Variants in CDH17 observed in about 807,000 individuals in gnomAD.
The protein encoded by CDH17 is cadherin-17.
A neutral mutation model predicts 86.3 loss-of-function variants in CDH17; 67 were observed. The ratio of observed to expected loss-of-function variants is 0.78; its 90% confidence interval spans 0.64 to 0.95. CDH17 has a LOEUF of 0.95. Among genes scored for constraint, CDH17 ranks in the 40% least tolerant of loss-of-function variants. The pLI is 0.00. For synonymous variants in CDH17, 367 were observed against 366.4 expected (o/e 1.00, Z -0.02); for missense variants, 993 against 1,017.6 (o/e 0.98, Z 0.33).
Position 94,162,140 on chromosome 8 carries a change from C to T in CDH17, c.1305G>A (p.Val435=), listed in dbSNP as rs1454238174. The change falls in exon 11 of 18, where the codon GTG becomes GTA. Residue 435 remains valine, a synonymous_variant. Transcript: ENST00000027335. ...SDKDFKTLCF[V]QINVIDINDQ... is the part of the protein sequence containing the mutation. Reference sequence around the variant, plus strand: ...CATTGATATCAATAACGTTGATTTGCACAAAACAAAGGGTCTTGAAATCTG... The same window carrying T: ...CATTGATATCAATAACGTTGATTTGTACAAAACAAAGGGTCTTGAAATCTG... The T allele has an allele frequency of 1.2e-6, 2 of 1,608,170 alleles. No individual in the cohort carries two copies. Among genetic ancestry groups the T allele is most frequent in the African/African-American group, 2.7e-5 (2 of 74,798 alleles).
Position 94,170,522 on chromosome 8 carries a change from T to C in CDH17, c.941A>G (p.Asp314Gly), listed in dbSNP as rs1334455313. 1 of 1,613,704 alleles carries C rather than the reference T, an allele frequency of 6.2e-7. No homozygotes were observed. The highest frequency in any genetic ancestry group is 1.7e-5 in the Admixed American group (1 of 59,992). ...ATATGAAAGTGGTTTTCCGTACTCA[T>C]CCTTTGCAACTGCATAAAAAACATA... ...DAYVFYAVAK[D>G]EYGKPLSYPL... Residue 314 changes from aspartate to glycine, a missense_variant, in exon 9 of 18, where the codon GAT becomes GGT. Physicochemically the swap from Asp to Gly is moderately conservative, Grantham distance 94. Transcript: ENST00000027335.
intron 11 of CDH17, among the ~76,000 whole-genome samples, chr8:94,160,966 T>A (rs1035907459): frequency 3.9e-5 from 6 of 152,096 alleles, no homozygotes; most frequent in Admixed American, 3.9e-4. Flanking sequence ...GCCTAGACCA[T>A]CTCCCACTCC....
chr8:94,130,013 A>G (rs1357633176), intron 17 of CDH17, among the ~76,000 whole-genome samples: 2 of 152,122 alleles, frequency 1.3e-5, no homozygotes, highest in Non-Finnish European at 2.9e-5. Flanking sequence ...GTAAGGAAAC[A>G]CTTGGAATAG....
In CDH17 at chr8:94,130,677, G is replaced by A; in HGVS notation, c.2347C>T (p.Pro783Ser). 6.2e-7 allele frequency: 1 copy of A among 1,613,972 alleles called. No homozygotes were observed. Among genetic ancestry groups the A allele is most frequent in the Non-Finnish European group, 8.5e-7 (1 of 1,179,936 alleles). Residue 783 changes from proline to serine, a missense_variant, in exon 17 of 18, where the codon CCC (proline) becomes TCC (serine). Pro to Ser is a moderately conservative substitution (Grantham distance 74). Transcript: ENST00000027335. ...FRPAGHQTGI[P>S]TVGMAVGILL... The stretch of plus-strand genomic sequence containing the variant: ...ATACCAACTGCCATGCCCACAGTGG[G>A]TATCCCAGTCTGGTGACCTGCTGGC...
At chr8:94,151,834 G>C (rs764153959) in intron 13 of CDH17, 34 bp downstream of exon 13, 1 of 1,611,968 alleles carries the variant, frequency 6.2e-7, no homozygotes, top group Admixed American at 1.7e-5. Context: ...TGGTGACCAC[G>C]CAGCCAGGCC....
intron 12 of CDH17, among the ~76,000 whole-genome samples, chr8:94,155,074 GAATC>G (rs1812921170): frequency 6.6e-6 from 1 of 152,050 alleles, no homozygotes; most frequent in South Asian, 2.1e-4. Context: ...TGAGAAAGAA[GAATC>G]AATTGAAATT....
chr8:94,138,984 T>C (rs892459541), intron 15 of CDH17, among the ~76,000 whole-genome samples: 25 of 152,112 alleles, frequency 1.6e-4, no homozygotes, highest in Non-Finnish European at 2.8e-4. Context: ...TTGCCAGACA[T>C]TCAGTAAAAG....
chr8:94,195,896 G>C (rs1382073969), intron 1 of CDH17, among the ~76,000 whole-genome samples: 1 of 152,106 alleles, frequency 6.6e-6, no homozygotes, highest in Non-Finnish European at 1.5e-5. Flanking sequence ...AAGTAGCTGG[G>C]ACTACAGGCG....
At chr8:94,210,322 TC>T (rs1316056320), upstream of CDH17, among the ~76,000 whole-genome samples, 1 of 150,178 alleles carries the variant, frequency 6.7e-6, no homozygotes, top group African/African-American at 2.4e-5. Context: ...GAAATGGGGT[TC>T]CTCTGTACAT....
At chr8:94,134,924 T>G (rs938437691) in intron 15 of CDH17, among the ~76,000 whole-genome samples, 4 of 152,190 alleles carry the variant, frequency 2.6e-5, no homozygotes, top group Admixed American at 2.6e-4. Context: ...ATTTATCCAG[T>G]AGTCATTCAG....
At chr8:94,162,019 A>G (rs1318257258) in intron 11 of CDH17, 67 bp downstream of exon 11, 15 of 1,007,080 alleles carry the variant, frequency 1.5e-5, no homozygotes, top group Non-Finnish European at 2.2e-5. Context: ...CTGTGTCTCT[A>G]TCCCAGAAGA....
chr8:94,209,020 T>C (rs534177707), upstream of CDH17, among the ~76,000 whole-genome samples: 9 of 152,270 alleles, frequency 5.9e-5, no homozygotes, highest in East Asian at 1.5e-3. Context: ...ACATGAGATA[T>C]CATAAATGAC....
At chr8:94,160,833 A>G (rs1450180516) in intron 11 of CDH17, among the ~76,000 whole-genome samples, 1 of 152,208 alleles carries the variant, frequency 6.6e-6, no homozygotes, top group Non-Finnish European at 1.5e-5. Context: ...TACCATCTCC[A>G]CTTACGAGGA....
chr8:94,143,331 T>C (rs1375489515), intron 15 of CDH17, among the ~76,000 whole-genome samples: 1 of 152,248 alleles, frequency 6.6e-6, no homozygotes, highest in Non-Finnish European at 1.5e-5. Flanking sequence ...AAGTATTCAG[T>C]AAACTATGCT....
At chr8:94,168,199 G>C (rs1186940943) in intron 9 of CDH17, among the ~76,000 whole-genome samples, 3 of 136,072 alleles carry the variant, frequency 2.2e-5, no homozygotes, top group African/African-American at 8.4e-5. Flanking sequence ...TGTTGTCTGG[G>C]CTGGAGCACA....
At chr8:94,139,189 AAGTTTGATATAAAAATAG>A (rs1428629497) in intron 15 of CDH17, among the ~76,000 whole-genome samples, 1 of 152,158 alleles carries the variant, frequency 6.6e-6, no homozygotes, top group Non-Finnish European at 1.5e-5. Context: ...GAAAACTACA[AAGTTTGATATAAAAATAG>A]ACTAGGTTGG....
At chr8:94,149,070 C>A (rs1276570164) in intron 13 of CDH17, among the ~76,000 whole-genome samples, 196 bp from the exon 14 acceptor site, 1 of 152,036 alleles carries the variant, frequency 6.6e-6, no homozygotes, top group African/African-American at 2.4e-5. Context: ...TCTATTATCT[C>A]ATATTATTAA....
At chr8:94,169,952 T>C (rs1337068487) in intron 9 of CDH17, among the ~76,000 whole-genome samples, 1 of 152,184 alleles carries the variant, frequency 6.6e-6, no homozygotes, top group Non-Finnish European at 1.5e-5. Context: ...CCATTGGTGT[T>C]GCTTACTTAT....
At chr8:94,142,500 TA>T (rs920804694) in intron 15 of CDH17, among the ~76,000 whole-genome samples, 13 of 152,170 alleles carry the variant, frequency 8.5e-5, no homozygotes, top group African/African-American at 3.1e-4. Context: ...TTTCTGAAAA[TA>T]AGACAACAAT....
Sources: gnomAD v4.1 joint callset for allele counts (sites outside exome capture counted in the v4.1 genomes callset) on GRCh38, gnomAD v4.1.1 for gene constraint, MANE v1.5 for transcripts, NCBI Gene and HGNC (gene_info 2026-07-23, HGNC 2026-07-21) for gene names.